The following MYO1B variants were observed in gnomAD, a reference collection of about 807,000 sequenced individuals.
MYO1B encodes unconventional myosin-Ib.
A neutral mutation model predicts 159.7 loss-of-function variants in MYO1B; 72 were observed. The observed-to-expected ratio is 0.45, with a 90% confidence interval of 0.37 to 0.55. The LOEUF is 0.55. MYO1B is among the 20% of genes least tolerant of loss of function. The pLI, the probability that MYO1B is intolerant of heterozygous loss-of-function variation, is 0.00. For missense variants in MYO1B, 1,062 were observed against 1,364.8 expected, an observed-to-expected ratio of 0.78 and a Z score of 3.50; for synonymous variants, 468 against 473.8, an observed-to-expected ratio of 0.99 and a Z score of 0.16.
chr2:191,248,485 TC>T (rs1488678710), intron 1 of MYO1B, among the ~76,000 whole-genome samples: 110 of 152,238 alleles, frequency 7.2e-4, no homozygotes, highest in Non-Finnish European at 9.3e-4. Flanking sequence ...GGTAACACAG[TC>T]CACTGTAGAG....
intron 1 of MYO1B, chr2:191,263,461 C>A (rs1686944125): frequency 3.1e-6 from 1 of 327,566 alleles, no homozygotes; most frequent in Non-Finnish European, 4.4e-6. Flanking sequence ...AGTTTTTCTA[C>A]CCACCTATTG....
chr2:191,417,097 C>A (rs1460149136), intron 30 of MYO1B, among the ~76,000 whole-genome samples: 1 of 152,132 alleles, frequency 6.6e-6, no homozygotes, highest in African/African-American at 2.4e-5. Flanking sequence ...AAATTATATT[C>A]TTTTCTAATT....
At chr2:191,268,887 G>T in intron 1 of MYO1B, among the ~76,000 whole-genome samples, 1 of 152,212 alleles carries the variant, frequency 6.6e-6, no homozygotes, top group East Asian at 1.9e-4. Context: ...GCTGTGGCAG[G>T]CCTTGGCATC....
chr2:191,408,153 T>A lies in MYO1B; in HGVS notation c.2595T>A (p.Ala865=). The change falls in exon 25 of 31, where the codon GCT becomes GCA. Residue 865 remains alanine, a synonymous_variant. Transcript: ENST00000392318. ...ACAGGAAATTCTTCAGAGCCAATGC[T>A]GGAAAGAAAATCTATGAGTTTACGC... is the stretch of plus-strand genomic sequence containing the variant. ...REYRKFFRAN[A]GKKIYEFTLQ... The A allele has an allele frequency of 5.0e-6, 8 of 1,613,452 alleles. No homozygotes were observed. The highest frequency in any genetic ancestry group is 5.1e-6 in the Non-Finnish European group (6 of 1,179,534).
intron 3 of MYO1B, among the ~76,000 whole-genome samples, chr2:191,318,529 G>T (rs1218118711): frequency 6.6e-6 from 1 of 152,180 alleles, no homozygotes; most frequent in Non-Finnish European, 1.5e-5. Context: ...AGCAGTCTCT[G>T]TTCCGATCCA....
At chr2:191,420,234 T>C (rs1467968977) in intron 30 of MYO1B, among the ~76,000 whole-genome samples, 1 of 152,146 alleles carries the variant, frequency 6.6e-6, no homozygotes, top group African/African-American at 2.4e-5. Context: ...AAAATGTTTT[T>C]AAAATTGTAA....
chr2:191,260,130 C>A (rs2125686567), intron 1 of MYO1B, among the ~76,000 whole-genome samples: 1 of 152,100 alleles, frequency 6.6e-6, no homozygotes, highest in East Asian at 1.9e-4. Flanking sequence ...TGTGGACAGC[C>A]AGGGTTTCCT....
intron 2 of MYO1B, among the ~76,000 whole-genome samples, chr2:191,291,389 T>C (rs958175478): frequency 2.0e-5 from 3 of 152,252 alleles, no homozygotes; most frequent in Non-Finnish European, 4.4e-5. Flanking sequence ...AATATAACCT[T>C]GCTATCTGTA....
At chr2:191,253,771 T>G (rs1000265543) in intron 1 of MYO1B, among the ~76,000 whole-genome samples, 7 of 152,180 alleles carry the variant, frequency 4.6e-5, no homozygotes, top group African/African-American at 1.4e-4. Context: ...GCTTGTTGCT[T>G]GTGGGGCTTT....
chr2:191,279,795 G>C (rs1313668799), intron 2 of MYO1B, among the ~76,000 whole-genome samples: 1 of 152,064 alleles, frequency 6.6e-6, no homozygotes, highest in East Asian at 1.9e-4. Context: ...AGGTCTTATA[G>C]CTTCATTTTA....
At chr2:191,350,314 A>T in intron 7 of MYO1B, 89 bp downstream of exon 7, 1 of 908,334 alleles carries the variant, frequency 1.1e-6, no homozygotes, top group Non-Finnish European at 1.7e-6. Context: ...TGTGTCTTTG[A>T]GGCATAAGAA....
At chr2:191,408,324 C>T (rs1697053900) in intron 25 of MYO1B, 135 bp downstream of exon 25, 1 of 600,964 alleles carries the variant, frequency 1.7e-6, no homozygotes, top group African/African-American at 1.9e-5. Context: ...ATAGCTGTGA[C>T]ACTGAGAGTT....
At chr2:191,385,591 A>T (rs1695351384) in intron 15 of MYO1B, among the ~76,000 whole-genome samples, 2 of 152,162 alleles carry the variant, frequency 1.3e-5, no homozygotes, top group Admixed American at 1.3e-4. Context: ...AATTTCAGTC[A>T]TCATCAGGCT....
In MYO1B at chr2:191,267,851, G is replaced by A. The variant is rs1324380468; in HGVS notation, c.-9-9036G>A. Among the ~76,000 whole-genome samples the A allele has an allele frequency of 2.0e-5, 3 of 152,250 alleles. 1 individual carries two copies. The highest frequency in any genetic ancestry group is 1.3e-4 in the Admixed American group (2 of 15,292). Reference sequence around the variant, plus strand: ...AATCCTTCATGAGGACATTCCTGGTGTGTCATCGAGGCTCTCTGATGGTCC... The same window carrying A: ...AATCCTTCATGAGGACATTCCTGGTATGTCATCGAGGCTCTCTGATGGTCC... On this transcript the variant is annotated intron_variant, in intron 1 of 30. Coordinates refer to ENST00000392318, the MANE Select transcript of MYO1B (RefSeq NM_001130158.3).
chr2:191,296,095 G>C lies in MYO1B; in HGVS notation c.136-16G>C. ...GTGTACTAACTAATGGGCATGTTTT[G>C]TTCTTTCTTTTGCAGACATACATTG... is the stretch of plus-strand genomic sequence containing the variant. On this transcript the variant is annotated splice_polypyrimidine_tract_variant and intron_variant, in intron 2 of 30. Coordinates refer to ENST00000392318, the MANE Select transcript of MYO1B (RefSeq NM_001130158.3). The C allele has an allele frequency of 6.7e-7, 1 of 1,486,680 alleles. No individual in the cohort carries two copies. Among genetic ancestry groups the C allele is most frequent in the Non-Finnish European group, 9.3e-7 (1 of 1,077,082 alleles). The allele number at this position is 1,486,680 out of a possible 1,614,324, so 92.1% of individuals were successfully genotyped here.
chr2:191,398,847 C>T lies in MYO1B; in HGVS notation c.2296-1535C>T, dbSNP rs1257072625. On this transcript the variant is annotated intron_variant, in intron 21 of 30. Transcript: ENST00000392318. The stretch of plus-strand genomic sequence containing the variant: ...TGGGCGGCCAGGCAGAGACGCTCCT[C>T]ACTTCCCAGACGGGGTGGCGGCCGG... 5.9e-5 allele frequency among the ~76,000 whole-genome samples: 9 copies of T among 151,858 alleles called. No individual in the cohort carries two copies. The East Asian group carries it at 1.7e-3, about 29-fold the overall frequency.
At chr2:191,326,768 A>ATGTGTGTG (rs1401808572) in intron 3 of MYO1B, among the ~76,000 whole-genome samples, 2 of 109,122 alleles carry the variant, frequency 1.8e-5, no homozygotes, top group East Asian at 3.2e-4. Flanking sequence ...GTGTTTGTAT[A>ATGTGTGTG]TATGTGTGTG....
rs1697042453 is a variant in MYO1B, at chr2:191,408,170, A to C, written c.2612A>C (p.Glu871Ala). Residue 871 changes from glutamate to alanine, a missense_variant, in exon 25 of 31, where the codon GAG becomes GCG. Coordinates refer to ENST00000392318, the MANE Select transcript of MYO1B (RefSeq NM_001130158.3). ...FRANAGKKIYEFTLQRIVQKY... is the reference protein window; with the variant it reads ...FRANAGKKIYAFTLQRIVQKY... Reference sequence around the variant, plus strand: ...GCCAATGCTGGAAAGAAAATCTATGAGTTTACGCTTCAGAGAATTGTAAGT... The same window carrying C: ...GCCAATGCTGGAAAGAAAATCTATGCGTTTACGCTTCAGAGAATTGTAAGT... The C allele has an allele frequency of 6.2e-7, 1 of 1,612,910 alleles. No homozygotes were observed. The highest frequency in any genetic ancestry group is 8.5e-7 in the Non-Finnish European group (1 of 1,179,032).
intron 13 of MYO1B, among the ~76,000 whole-genome samples, chr2:191,375,698 C>A (rs1487147215): frequency 6.6e-6 from 1 of 152,124 alleles, no homozygotes; most frequent in Non-Finnish European, 1.5e-5. Context: ...CGGTGGCTCA[C>A]TCCTATAATC....
Sources: gnomAD v4.1 joint callset for allele counts (sites outside exome capture counted in the v4.1 genomes callset) on GRCh38, gnomAD v4.1.1 for gene constraint, MANE v1.5 for transcripts, NCBI Gene and HGNC (gene_info 2026-07-23, HGNC 2026-07-21) for gene names.